The following LCOR variants were observed in gnomAD, a reference collection of about 807,000 sequenced individuals.
The protein encoded by LCOR is ligand-dependent corepressor.
A neutral mutation model predicts 64.4 loss-of-function variants in LCOR; 14 were observed. That is an observed-to-expected ratio of 0.22 (90% confidence interval 0.14 to 0.34). The LOEUF is 0.34. LCOR is among the 10% of genes least tolerant of loss of function. LCOR has a pLI of 1.00. For synonymous variants in LCOR, 643 were observed against 642.5 expected (o/e 1.00, Z -0.01); for missense variants, 1,686 against 1,765.3 (o/e 0.96, Z 0.80).
chr10:96,972,815 G>A (rs569032607), intron 7 of LCOR, among the ~76,000 whole-genome samples: 1 of 152,064 alleles, frequency 6.6e-6, no homozygotes, highest in Non-Finnish European at 1.5e-5. Flanking sequence ...CCCCAGTTTC[G>A]ATTATTAGTT....
At chr10:96,880,392 TTTTTGTTTTG>T (rs542329389) in intron 2 of LCOR, among the ~76,000 whole-genome samples, 1 of 152,152 alleles carries the variant, frequency 6.6e-6, no homozygotes, top group African/African-American at 2.4e-5. Flanking sequence ...TATTCCTTGT[TTTTTGTTTTG>T]TTTTGTTTTG....
intron 2 of LCOR, among the ~76,000 whole-genome samples, chr10:96,837,347 C>A (rs1845464009): frequency 6.6e-6 from 1 of 152,054 alleles, no homozygotes; most frequent in Non-Finnish European, 1.5e-5. Flanking sequence ...ACCTCCACCT[C>A]CCAGGTTTAA....
intron 4 of LCOR, among the ~76,000 whole-genome samples, chr10:96,941,622 G>A (rs1332471944): frequency 0.033 from 3,952 of 119,702 alleles, no homozygotes; most frequent in African/African-American, 0.037. Context: ...GCTGCCAGGC[G>A]GAGGGGCTCC....
At chr10:96,852,666 C>T (rs1175293827) in intron 2 of LCOR, among the ~76,000 whole-genome samples, 2 of 152,074 alleles carry the variant, frequency 1.3e-5, no homozygotes, top group Non-Finnish European at 2.9e-5. Flanking sequence ...TCTTCAGAAG[C>T]CCATGGAGAT....
chr10:96,861,116 G>C (rs535522243), intron 2 of LCOR, among the ~76,000 whole-genome samples: 3 of 152,098 alleles, frequency 2.0e-5, no homozygotes, highest in Admixed American at 6.6e-5. Flanking sequence ...CTAATTTATA[G>C]AAAGTGGGTA....
At chr10:96,854,394 C>T (rs538900144) in intron 2 of LCOR, among the ~76,000 whole-genome samples, 67 of 152,224 alleles carry the variant, frequency 4.4e-4, no homozygotes, top group Non-Finnish European at 5.0e-4. Context: ...GGCGTGATCT[C>T]GGCTCAACCA....
intron 4 of LCOR, among the ~76,000 whole-genome samples, chr10:96,935,332 G>A (rs1191150982): frequency 1.3e-5 from 2 of 151,394 alleles, no homozygotes; most frequent in Non-Finnish European, 2.9e-5. Context: ...TATTTTTAGC[G>A]GAGATGGGGT....
At chr10:96,865,487 AT>A (rs928158132) in intron 2 of LCOR, among the ~76,000 whole-genome samples, 3 of 152,144 alleles carry the variant, frequency 2.0e-5, no homozygotes, top group African/African-American at 4.8e-5. Context: ...AATAGGAGTG[AT>A]TTTTTTATCG....
At chr10:96,838,764 A>G (rs1009872977) in intron 2 of LCOR, among the ~76,000 whole-genome samples, 6 of 152,198 alleles carry the variant, frequency 3.9e-5, no homozygotes, top group South Asian at 2.1e-4. Flanking sequence ...CTTCGGGGCT[A>G]TTATGGATGA....
At chr10:96,881,645 C>T (rs778901041) in intron 2 of LCOR, among the ~76,000 whole-genome samples, 23 of 151,942 alleles carry the variant, frequency 1.5e-4, no homozygotes, top group Non-Finnish European at 2.6e-4. Flanking sequence ...TTAGTGGAGA[C>T]GGGTTTTCAC....
At position 96,984,707 on chromosome 10, in the gene LCOR, C is replaced by A; in HGVS notation, c.4247C>A (p.Thr1416Lys). Residue 1416 changes from threonine (T) to lysine (K), a missense_variant, in exon 8 of 8, where the codon ACG (threonine) becomes AAG (lysine). Transcript: ENST00000421806. ...CCAGATAGTAAGAACAAGGGGCCTA[C>A]GGTGAAAGCCAGCAAAGAAAAGCAT... The part of the protein sequence containing the change: ...SPPDSKNKGP[T>K]VKASKEKHAD... The A allele has an allele frequency of 6.2e-7, 1 of 1,613,936 alleles. No homozygotes were observed. The highest frequency in any genetic ancestry group is 1.3e-5 in the African/African-American group (1 of 75,004).
chr10:96,982,216 A>G lies in LCOR; in HGVS notation c.1756A>G (p.Lys586Glu), dbSNP rs72819869. 2,861 of 1,614,158 alleles carry G rather than the reference A, an allele frequency of 1.8e-3. 3 individuals carry two copies. Among genetic ancestry groups the G allele is most frequent in the Non-Finnish European group, 2.3e-3 (2,665 of 1,180,018 alleles). Reference sequence around the variant, plus strand: ...AGGAGGTGGAGACGTTTCACCTCGAAAAGAACCTCAAGAGCCTGAGGTTTG... The same window carrying G: ...AGGAGGTGGAGACGTTTCACCTCGAGAAGAACCTCAAGAGCCTGAGGTTTG... ...EEGGGDVSPR[K>E]EPQEPEVCPT... Residue 586 changes from lysine to glutamate, a missense_variant, in exon 8 of 8, where the codon AAA (lysine) becomes GAA (glutamate). Transcript: ENST00000421806.
intron 2 of LCOR, among the ~76,000 whole-genome samples, chr10:96,857,096 A>G (rs1564604925): frequency 1.8e-5 from 2 of 113,008 alleles, no homozygotes; most frequent in African/African-American, 9.1e-5. Context: ...ATGTATATAT[A>G]TGTGTGTATA....
intron 2 of LCOR, among the ~76,000 whole-genome samples, chr10:96,866,052 T>C (rs1291123270): frequency 1.3e-5 from 2 of 152,186 alleles, no homozygotes; most frequent in Non-Finnish European, 2.9e-5. Flanking sequence ...GTTTCTTTCT[T>C]TGTCAGACTT....
At position 96,985,399 on chromosome 10, in the gene LCOR, G is replaced by A. The variant is rs1848140737; in HGVS notation, c.*265G>A. On this transcript the variant is annotated 3_prime_UTR_variant, in exon 8 of 8. Coordinates refer to ENST00000421806, the MANE Select transcript of LCOR (RefSeq NM_001346516.2). ...AACCAAGCAGTTTTCGTTTTTAAAAGTACAGTGCCTTATTTATCCTTTTTG... is the reference window on the plus strand; with the variant it reads ...AACCAAGCAGTTTTCGTTTTTAAAAATACAGTGCCTTATTTATCCTTTTTG... 2 of 347,402 alleles carry A rather than the reference G, an allele frequency of 5.8e-6. No individual in the cohort carries two copies. The highest frequency in any genetic ancestry group is 8.9e-5 in the Admixed American group (2 of 22,448). The allele number at this position is 347,402 out of a possible 1,614,324, so 21.5% of individuals were successfully genotyped here. A position where few individuals can be genotyped will look rare whatever the true frequency, so the allele number is the denominator to read the frequency against.
intron 7 of LCOR, among the ~76,000 whole-genome samples, chr10:96,978,292 G>T (rs754361679): frequency 6.6e-6 from 1 of 152,202 alleles, no homozygotes; most frequent in Non-Finnish European, 1.5e-5. Context: ...TGTCTTGCCT[G>T]TTCCAAAGGA....
chr10:96,868,777 C>A (rs1024471383), intron 2 of LCOR, among the ~76,000 whole-genome samples: 4 of 152,148 alleles, frequency 2.6e-5, no homozygotes, highest in African/African-American at 7.2e-5. Context: ...TCCATCTCCT[C>A]CAAGTTTTAA....
chr10:96,891,400 TC>T (rs1408435070), intron 2 of LCOR, among the ~76,000 whole-genome samples: 1 of 151,502 alleles, frequency 6.6e-6, no homozygotes, highest in African/African-American at 2.4e-5. Flanking sequence ...TCTTCTTTTT[TC>T]TTGGTCTGTC....
At chr10:96,872,957 A>G (rs908143619) in intron 2 of LCOR, among the ~76,000 whole-genome samples, 1 of 152,192 alleles carries the variant, frequency 6.6e-6, no homozygotes, top group African/African-American at 2.4e-5. Context: ...GTATTATATG[A>G]CAGCAGGGTT....
Sources: gnomAD v4.1 joint callset for allele counts (sites outside exome capture counted in the v4.1 genomes callset) on GRCh38, gnomAD v4.1.1 for gene constraint, MANE v1.5 for transcripts, NCBI Gene and HGNC (gene_info 2026-07-23, HGNC 2026-07-21) for gene names.